The following WDR70 variants were observed in gnomAD, a reference collection of about 807,000 sequenced individuals.
The protein encoded by WDR70 is WD repeat-containing protein 70.
A neutral mutation model predicts 88.6 loss-of-function variants in WDR70; 53 were observed. The observed-to-expected ratio is 0.60, with a 90% CI of 0.48 to 0.75. The LOEUF is 0.75. WDR70 is among the 30% of genes least tolerant of loss of function. The probability of loss-of-function intolerance (pLI) is 0.00; values close to 1 mark genes in which losing one functional copy is unlikely to be tolerated. For synonymous variants in WDR70, 280 were observed against 270.0 expected (o/e 1.04, Z -0.36); for missense variants, 610 against 823.2 (o/e 0.74, Z 3.17).
intron 7 of WDR70, among the ~76,000 whole-genome samples, chr5:37,468,072 A>T (rs1480450518): frequency 1.3e-5 from 2 of 152,022 alleles, no homozygotes; most frequent in Admixed American, 1.3e-4. Flanking sequence ...GATGGTGTCG[A>T]TCTCCTGACC....
In WDR70 at chr5:37,633,666, C is replaced by T. The variant is rs373225562; in HGVS notation, c.1092+28428C>T. On this transcript the variant is annotated intron_variant, in intron 10 of 17. Coordinates refer to ENST00000265107, the MANE Select transcript of WDR70 (RefSeq NM_018034.4). ...GTCTTCCCACACATGAAATATGTGT[C>T]GCAAAGAGGAAAATATATTTTAGAC... Among the ~76,000 whole-genome samples, 7 of 151,908 alleles carry T rather than the reference C, an allele frequency of 4.6e-5. No homozygotes were observed. In the East Asian group the frequency reaches 7.7e-4, roughly 17 times the overall value.
rs757935323 is a variant in WDR70 at position 37,479,981 on chromosome 5, C to T, written c.834C>T (p.Asn278=). The change falls in exon 8 of 18, where the codon AAC becomes AAT. Residue 278 remains asparagine, a synonymous_variant. Coordinates refer to ENST00000265107, the MANE Select transcript of WDR70 (RefSeq NM_018034.4). ...ACCAGTATATTGTGGACATGGCCAA[C>T]ACCAAGGTAAGCATTAAACAGAATA... ...KGDQYIVDMA[N]TKGHTAMLHT... 2.0e-5 allele frequency: 32 copies of T among 1,611,734 alleles called. No individual in the cohort carries two copies. In the South Asian group the frequency reaches 3.4e-4, roughly 17 times the overall value.
chr5:37,677,519 T>C (rs1388006043), intron 10 of WDR70, among the ~76,000 whole-genome samples: 2 of 152,236 alleles, frequency 1.3e-5, no homozygotes, highest in Non-Finnish European at 2.9e-5. Context: ...GAGCAGGTTG[T>C]TCAGTTTCCA....
chr5:37,732,109 A>G (rs1204079494), intron 17 of WDR70, among the ~76,000 whole-genome samples: 2 of 152,194 alleles, frequency 1.3e-5, no homozygotes, highest in African/African-American at 4.8e-5. Flanking sequence ...CTAAAGGTAG[A>G]CAATGGAGAT....
chr5:37,511,613 T>C (rs1244898335), intron 8 of WDR70, among the ~76,000 whole-genome samples: 1 of 152,182 alleles, frequency 6.6e-6, no homozygotes, highest in East Asian at 1.9e-4. Context: ...TAGACATTCT[T>C]AACATACAGA....
chr5:37,657,718 G>T (rs1745596831), intron 10 of WDR70, among the ~76,000 whole-genome samples: 1 of 152,138 alleles, frequency 6.6e-6, no homozygotes, highest in Non-Finnish European at 1.5e-5. Flanking sequence ...GGACCATCTG[G>T]TAGGATTGTA....
intron 7 of WDR70, among the ~76,000 whole-genome samples, chr5:37,448,875 T>C (rs1376624921): frequency 1.3e-5 from 2 of 152,230 alleles, no homozygotes; most frequent in Admixed American, 6.5e-5. Context: ...GTCGGGTGTT[T>C]TGTAGAATGT....
intron 8 of WDR70, among the ~76,000 whole-genome samples, chr5:37,502,076 A>G (rs2112221834): frequency 6.6e-6 from 1 of 152,104 alleles, no homozygotes; most frequent in South Asian, 2.1e-4. Flanking sequence ...CATGGGACAT[A>G]TTTACATTTG....
intron 7 of WDR70, among the ~76,000 whole-genome samples, chr5:37,474,035 A>G (rs778782576): frequency 7.2e-5 from 11 of 152,128 alleles, no homozygotes; most frequent in Non-Finnish European, 1.0e-4. Flanking sequence ...TTATATTTTC[A>G]TTATCATTCA....
chr5:37,709,128 T>A (rs1261870049), intron 13 of WDR70, among the ~76,000 whole-genome samples: 1 of 152,192 alleles, frequency 6.6e-6, no homozygotes. Context: ...CTTGAAAGAC[T>A]ACATTTGGCA....
chr5:37,605,124 G>A lies in WDR70; in HGVS notation c.978G>A (p.Arg326=). 1 of 1,613,374 alleles carries A rather than the reference G, an allele frequency of 6.2e-7. No individual in the cohort carries two copies. Among genetic ancestry groups the A allele is most frequent in the East Asian group, 2.2e-5 (1 of 44,830 alleles). The change falls in exon 10 of 18, where the codon CGG becomes CGA. Residue 326 remains arginine, a synonymous_variant. Coordinates refer to ENST00000265107, the MANE Select transcript of WDR70 (RefSeq NM_018034.4). ...AGCAAAAAAGTGTGTTTAAACCACG[G>A]ACGATGCAAGGCAAAAAAGTCATTC... ...PKKQKSVFKP[R]TMQGKKVIPT...
intron 9 of WDR70, among the ~76,000 whole-genome samples, chr5:37,516,870 C>T (rs968625548): frequency 6.6e-6 from 1 of 151,424 alleles, no homozygotes; most frequent in African/African-American, 2.4e-5. Context: ...TACAGATGCC[C>T]CACCACCACA....
chr5:37,640,447 G>A (rs924329500), intron 10 of WDR70, among the ~76,000 whole-genome samples: 1 of 152,092 alleles, frequency 6.6e-6, no homozygotes, highest in Non-Finnish European at 1.5e-5. Context: ...AGGCTATATT[G>A]TGTGTGGTTT....
At chr5:37,420,864 A>G (rs1205398446) in intron 5 of WDR70, among the ~76,000 whole-genome samples, 1 of 152,116 alleles carries the variant, frequency 6.6e-6, no homozygotes, top group Non-Finnish European at 1.5e-5. Flanking sequence ...CAGTGAGCCG[A>G]GATCACGCCA....
chr5:37,649,849 T>C (rs1745347569), intron 10 of WDR70, among the ~76,000 whole-genome samples: 1 of 141,184 alleles, frequency 7.1e-6, no homozygotes, highest in Non-Finnish European at 1.5e-5. Context: ...GCCATTCTCC[T>C]GCCTCAGCCT....
chr5:37,399,491 T>G (rs918908162), intron 5 of WDR70, among the ~76,000 whole-genome samples: 1 of 152,192 alleles, frequency 6.6e-6, no homozygotes, highest in Non-Finnish European at 1.5e-5. Flanking sequence ...AACTTCTAAA[T>G]TTTTTTCTCT....
At chr5:37,525,446 A>C (rs1461437753) in intron 9 of WDR70, among the ~76,000 whole-genome samples, 2 of 152,250 alleles carry the variant, frequency 1.3e-5, no homozygotes, top group Non-Finnish European at 2.9e-5. Context: ...ACAAAGACAC[A>C]ACATACCAGA....
At chr5:37,569,313 G>A (rs570691730) in intron 9 of WDR70, among the ~76,000 whole-genome samples, 1 of 152,146 alleles carries the variant, frequency 6.6e-6, no homozygotes, top group African/African-American at 2.4e-5. Flanking sequence ...GGAAGGGGTG[G>A]GAAGTCACTT....
chr5:37,716,611 C>A lies in WDR70; in HGVS notation c.1417-4504C>A, dbSNP rs72743186. ...ACCTTGGGAAAGTTACCACTCTCTA[C>A]AGCCTCAGTTTCTTCATCTGTGAGA... On this transcript the variant is annotated intron_variant, in intron 13 of 17. Coordinates refer to ENST00000265107, the MANE Select transcript of WDR70 (RefSeq NM_018034.4). Among the ~76,000 whole-genome samples, 383 of 152,290 alleles carry A rather than the reference C, an allele frequency of 2.5e-3. 3 individuals carry two copies. The highest frequency in any genetic ancestry group is 4.8e-3 in the South Asian group (23 of 4,828).
Sources: gnomAD v4.1 joint callset for allele counts (sites outside exome capture counted in the v4.1 genomes callset) on GRCh38, gnomAD v4.1.1 for gene constraint, MANE v1.5 for transcripts, NCBI Gene and HGNC (gene_info 2026-07-23, HGNC 2026-07-21) for gene names.